Variants in MSRA observed in about 807,000 individuals in gnomAD.
MSRA encodes methionine sulfoxide reductase A.
MSRA carries 54 observed loss-of-function variants against 31.3 expected under a neutral mutation model. The observed-to-expected ratio is 1.73, with a 90% CI of 1.39 to 2.17. MSRA has a LOEUF of 2.17. MSRA is among the 30% of genes most tolerant of loss of function. MSRA has a pLI of 0.00. For missense variants in MSRA, 507 were observed against 300.9 expected, an observed-to-expected ratio of 1.69 and a Z score of -5.07; for synonymous variants, 169 against 116.5, an observed-to-expected ratio of 1.45 and a Z score of -2.90.
At chr8:10,096,008 A>C (rs775336392) in intron 1 of MSRA, 2 of 1,445,882 alleles carry the variant, frequency 1.4e-6, no homozygotes, top group Non-Finnish European at 1.8e-6. Context: ...CTTTCAAATC[A>C]AATCAGAAAG....
intron 1 of MSRA, among the ~76,000 whole-genome samples, chr8:10,097,883 A>G (rs1231219388): frequency 6.6e-6 from 1 of 152,206 alleles, no homozygotes; most frequent in Non-Finnish European, 1.5e-5. Flanking sequence ...TTAAAATTTG[A>G]TAAATACTAG....
At chr8:10,367,681 A>G (rs1450539712) in intron 5 of MSRA, among the ~76,000 whole-genome samples, 3 of 152,242 alleles carry the variant, frequency 2.0e-5, no homozygotes, top group Admixed American at 2.0e-4. Context: ...AGAGGCAGAT[A>G]GGAACTTGCA....
chr8:10,185,357 T>C (rs370340151), intron 1 of MSRA, among the ~76,000 whole-genome samples: 1 of 152,188 alleles, frequency 6.6e-6, no homozygotes, highest in Non-Finnish European at 1.5e-5. Flanking sequence ...ATCTAGGGTT[T>C]CCCCCAAAGA....
chr8:10,388,303 C>T (rs927228175), intron 5 of MSRA, among the ~76,000 whole-genome samples: 3 of 152,122 alleles, frequency 2.0e-5, no homozygotes, highest in East Asian at 1.9e-4. Context: ...CCTTCTCCCT[C>T]GATAAGGGTC....
intron 4 of MSRA, among the ~76,000 whole-genome samples, chr8:10,305,180 C>G (rs1801060110): frequency 6.6e-6 from 1 of 152,156 alleles, no homozygotes; most frequent in Non-Finnish European, 1.5e-5. Context: ...GAAGCAGTAT[C>G]TACAGTGATA....
intron 5 of MSRA, among the ~76,000 whole-genome samples, chr8:10,399,844 T>A (rs1417265005): frequency 6.6e-6 from 1 of 152,058 alleles, no homozygotes; most frequent in Admixed American, 6.6e-5. Context: ...ACCGCAAGGA[T>A]TTGCAGCACA....
At chr8:10,277,992 G>A (rs1195018723) in intron 3 of MSRA, among the ~76,000 whole-genome samples, 2 of 152,164 alleles carry the variant, frequency 1.3e-5, no homozygotes, top group Non-Finnish European at 2.9e-5. Flanking sequence ...GGGGCAAGTT[G>A]TAAACCTCTT....
chr8:10,295,172 T>C (rs945136615), intron 3 of MSRA, among the ~76,000 whole-genome samples: 8 of 152,106 alleles, frequency 5.3e-5, no homozygotes, highest in Non-Finnish European at 1.2e-4. Flanking sequence ...ACTGCTTGTC[T>C]TGCTACGTTC....
At chr8:10,364,414 C>G (rs902486243) in intron 5 of MSRA, among the ~76,000 whole-genome samples, 3 of 152,194 alleles carry the variant, frequency 2.0e-5, no homozygotes, top group African/African-American at 7.2e-5. Flanking sequence ...TGGCGAATCT[C>G]CATCACACTT....
At chr8:10,282,924 C>A (rs367943693) in intron 3 of MSRA, among the ~76,000 whole-genome samples, 5 of 152,076 alleles carry the variant, frequency 3.3e-5, no homozygotes, top group African/African-American at 1.2e-4. Context: ...CCTTCCACCT[C>A]CCTCCAGAAA....
chr8:10,272,451 G>T (rs1011819509), intron 3 of MSRA, among the ~76,000 whole-genome samples: 1 of 152,184 alleles, frequency 6.6e-6, no homozygotes, highest in African/African-American at 2.4e-5. Context: ...CCTTCAAGCC[G>T]GAGGAGTCCT....
chr8:10,141,865 C>G (rs1413444537), intron 1 of MSRA, among the ~76,000 whole-genome samples: 2 of 152,154 alleles, frequency 1.3e-5, no homozygotes, highest in Admixed American at 6.5e-5. Context: ...TGCACTGTGC[C>G]TAGCTGGTAG....
At chr8:10,399,347 C>T (rs1216951788) in intron 5 of MSRA, among the ~76,000 whole-genome samples, 1 of 152,160 alleles carries the variant, frequency 6.6e-6, no homozygotes, top group Non-Finnish European at 1.5e-5. Flanking sequence ...TAAAATGTGA[C>T]CTCCAGTGTT....
intron 3 of MSRA, among the ~76,000 whole-genome samples, chr8:10,294,478 C>T (rs1800419770): frequency 6.6e-6 from 1 of 152,062 alleles, no homozygotes; most frequent in African/African-American, 2.4e-5. Context: ...AAGTTAAAGC[C>T]CATAGAGGAA....
intron 1 of MSRA, among the ~76,000 whole-genome samples, chr8:10,071,082 C>G (rs990597166): frequency 6.6e-6 from 1 of 152,210 alleles, no homozygotes; most frequent in East Asian, 1.9e-4. Flanking sequence ...AACTGCCAAA[C>G]TGTTTCCCAG....
intron 1 of MSRA, among the ~76,000 whole-genome samples, chr8:10,105,349 G>C (rs969439061): frequency 2.0e-5 from 3 of 152,124 alleles, no homozygotes; most frequent in African/African-American, 7.2e-5. Flanking sequence ...GAGGGCTAAT[G>C]GGACTAATTT....
At chr8:10,393,930 C>A (rs562079480) in intron 5 of MSRA, among the ~76,000 whole-genome samples, 1 of 152,120 alleles carries the variant, frequency 6.6e-6, no homozygotes, top group African/African-American at 2.4e-5. Context: ...TCTGCAGGCA[C>A]GGGATATTTG....
At position 10,090,306 on chromosome 8, in the gene MSRA, T is replaced by C. The variant is rs149659698; in HGVS notation, c.142+35648T>C. The stretch of plus-strand genomic sequence containing the variant: ...AGAGCTGGCAGAAGGGAGCGATGTT[T>C]GGATGGAATCAGGAATGCTGGAGTT... On this transcript the variant is annotated intron_variant, in intron 1 of 5. Coordinates refer to ENST00000317173, the MANE Select transcript of MSRA (RefSeq NM_012331.5). 1.9e-3 allele frequency among the ~76,000 whole-genome samples: 291 copies of C among 152,284 alleles called. 2 individuals are homozygous for C. The highest frequency in any genetic ancestry group is 6.6e-3 in the African/African-American group (275 of 41,568).
At chr8:10,161,788 C>T (rs1804675878) in intron 1 of MSRA, among the ~76,000 whole-genome samples, 1 of 152,044 alleles carries the variant, frequency 6.6e-6, no homozygotes, top group African/African-American at 2.4e-5. Flanking sequence ...CTCTCCAAGG[C>T]CACTTCAGCT....
Sources: gnomAD v4.1 joint callset for allele counts (sites outside exome capture counted in the v4.1 genomes callset) on GRCh38, gnomAD v4.1.1 for gene constraint, MANE v1.5 for transcripts, NCBI Gene and HGNC (gene_info 2026-07-23, HGNC 2026-07-21) for gene names.